GP6: variants seen among roughly 807,000 people sequenced by gnomAD.
The protein encoded by GP6 is glycoprotein VI platelet, also known as platelet glycoprotein VI.
A neutral mutation model predicts 37.3 loss-of-function variants in GP6; 45 were observed. That is an observed-to-expected ratio of 1.21 (90% CI 0.95 to 1.55). The LOEUF (loss-of-function observed/expected upper bound fraction) is 1.55. Among genes scored for constraint, GP6 ranks in the 40% most tolerant of loss-of-function variants. GP6 has a pLI of 0.00. For missense variants in GP6, 813 were observed against 760.2 expected (o/e 1.07, Z -0.82); for synonymous variants, 340 against 316.4 (o/e 1.07, Z -0.79).
Position 55,027,687 on chromosome 19 carries a change from G to T in GP6, c.501C>A (p.Ile167=), listed in dbSNP as rs746844654. 6.2e-7 allele frequency: 1 copy of T among 1,612,800 alleles called. No homozygotes were observed. The highest frequency in any genetic ancestry group is 8.5e-7 in the Non-Finnish European group (1 of 1,178,728). The change falls in exon 4 of 8, where the codon ATC becomes ATA. Residue 167 remains isoleucine (I), a synonymous_variant. Transcript: ENST00000310373. ...CGCTGTGGGCGGCGGTCACCGTGAT[G>T]ATGGGAAAACTAGCCCTGTACCATC...
intron 6 of GP6, among the ~76,000 whole-genome samples, chr19:55,016,920 G>A (rs1424437872): frequency 6.6e-6 from 1 of 151,828 alleles, no homozygotes; most frequent in Admixed American, 6.6e-5. Flanking sequence ...GCTGGGCATG[G>A]TGGCACACAC....
rs2073809425 is a variant in GP6, at chr19:55,014,990, C to CAGCGGGAGG, written c.946_954dup (p.Pro316_Ala318dup). On this transcript the variant is annotated inframe_insertion, in exon 8 of 8. Coordinates refer to ENST00000310373, the MANE Select transcript of GP6 (RefSeq NM_001083899.2). ...CCTGACCCCCGTTTGATTTCCGGGT[C>CAGCGGGAGG]AGCGGGAGGGGCGGGAGGGGCGGAA... The CAGCGGGAGG allele has an allele frequency of 1.2e-6, 2 of 1,612,840 alleles. No individual in the cohort carries two copies. The highest frequency in any genetic ancestry group is 1.3e-5 in the African/African-American group (1 of 74,826).
At position 55,027,626 on chromosome 19, in the gene GP6, G is replaced by T; in HGVS notation, c.562C>A (p.Pro188Thr). Residue 188 changes from proline to threonine, a missense_variant, in exon 4 of 8, where the codon CCA (proline) becomes ACA (threonine). Physicochemically the swap from Pro to Thr is conservative, Grantham distance 38. Transcript: ENST00000310373. The stretch of plus-strand genomic sequence containing the variant: ...TCGCTGGGGGCTGACCACAGGTATG[G>T]GTCCCTGCTGGAGAAGCTGTAGCAT... 6.2e-7 allele frequency: 1 copy of T among 1,613,606 alleles called. No individual in the cohort carries two copies. Among genetic ancestry groups the T allele is most frequent in the Non-Finnish European group, 8.5e-7 (1 of 1,179,536 alleles).
chr19:55,023,444 G>T (rs923093377), intron 5 of GP6, among the ~76,000 whole-genome samples: 6 of 152,156 alleles, frequency 3.9e-5, no homozygotes, highest in African/African-American at 1.4e-4. Flanking sequence ...TCATTGCTTG[G>T]TGCTTTCCTT....
At chr19:55,024,924 G>C (rs1459861034) in intron 5 of GP6, among the ~76,000 whole-genome samples, 1 of 151,950 alleles carries the variant, frequency 6.6e-6, no homozygotes, top group East Asian at 1.9e-4. Context: ...GTTTGTTTTT[G>C]TCACCCATAT....
chr19:55,038,257 AG>A lies in GP6; in HGVS notation c.-22del. ...GACATGGTTCCTCAGCCCTGTCCTG[AG>A]CTCTGTGGCCAGGGAGGGAAGTGGT... On this transcript the variant is annotated 5_prime_UTR_variant, in exon 1 of 8. Transcript: ENST00000310373. 1 of 1,578,262 alleles carries A rather than the reference AG, an allele frequency of 6.3e-7. No homozygotes were observed. Among genetic ancestry groups the A allele is most frequent in the Non-Finnish European group, 8.6e-7 (1 of 1,159,818 alleles).
At chr19:55,025,599 G>A (rs543975177) in intron 4 of GP6, among the ~76,000 whole-genome samples, 6 of 152,048 alleles carry the variant, frequency 3.9e-5, no homozygotes, top group East Asian at 3.9e-4. Flanking sequence ...CCAGCTGCTC[G>A]GGAGGCTGAG....
At chr19:55,026,285 G>T (rs1216250817) in intron 4 of GP6, among the ~76,000 whole-genome samples, 1 of 152,168 alleles carries the variant, frequency 6.6e-6, no homozygotes, top group Non-Finnish European at 1.5e-5. Context: ...TTGACCTCTA[G>T]AACTTATTTT....
intron 1 of GP6, among the ~76,000 whole-genome samples, chr19:55,037,623 C>CTTTTTTTTTT (rs1179101360): frequency 4.0e-5 from 2 of 50,452 alleles, no homozygotes; most frequent in African/African-American, 1.6e-4. Flanking sequence ...GGCACTCAGC[C>CTTTTTTTTTT]TTTTTTTTTT....
chr19:55,015,622 G>C, intron 7 of GP6, 61 bp downstream of exon 7: 1 of 1,003,604 alleles, frequency 1.0e-6, no homozygotes, highest in Non-Finnish European at 1.6e-6. Flanking sequence ...AGACAAAGGA[G>C]TTGGCTTTGG....
chr19:55,037,848 CCT>C (rs1436326553), intron 1 of GP6, among the ~76,000 whole-genome samples: 1 of 151,926 alleles, frequency 6.6e-6, no homozygotes, highest in Admixed American at 6.6e-5. Flanking sequence ...GTCTTGAACT[CCT>C]GACCTCAGGT....
At chr19:55,026,221 T>G (rs986631760) in intron 4 of GP6, among the ~76,000 whole-genome samples, 1 of 152,204 alleles carries the variant, frequency 6.6e-6, no homozygotes, top group Non-Finnish European at 1.5e-5. Context: ...AATATGACAT[T>G]GTTAAATGTA....
intron 4 of GP6, among the ~76,000 whole-genome samples, chr19:55,026,000 C>CAAA (rs869194721): frequency 8.4e-4 from 15 of 17,844 alleles, no homozygotes; most frequent in Admixed American, 2.0e-3. Flanking sequence ...AGACTCCCCC[C>CAAA]AAAAAAAAAA....
chr19:55,038,010 T>C (rs1475021698), intron 1 of GP6, among the ~76,000 whole-genome samples, 193 bp downstream of exon 1: 1 of 152,144 alleles, frequency 6.6e-6, no homozygotes, highest in Admixed American at 6.6e-5. Context: ...GACCCAGCCA[T>C]GAATACACTG....
intron 3 of GP6, among the ~76,000 whole-genome samples, chr19:55,029,616 C>T (rs1227643355): frequency 6.6e-6 from 1 of 151,074 alleles, no homozygotes; most frequent in Non-Finnish European, 1.5e-5. Context: ...TCTCGAACTC[C>T]TGACCTCAGG....
chr19:55,023,919 C>T (rs1004460720), intron 5 of GP6, among the ~76,000 whole-genome samples: 13 of 150,834 alleles, frequency 8.6e-5, no homozygotes, highest in Admixed American at 1.3e-4. Context: ...TTAATGGATA[C>T]CAGGAGTTAG....
chr19:55,034,227 G>A (rs2074735359), intron 1 of GP6, among the ~76,000 whole-genome samples: 1 of 151,620 alleles, frequency 6.6e-6, no homozygotes, highest in Non-Finnish European at 1.5e-5. Context: ...TCCTGGAATT[G>A]CTTGAGCCCA....
chr19:55,020,293 T>A (rs2074032162), intron 5 of GP6, among the ~76,000 whole-genome samples: 1 of 151,818 alleles, frequency 6.6e-6, no homozygotes, highest in Non-Finnish European at 1.5e-5. Flanking sequence ...TGTGCCATGG[T>A]GGTTTGCTGC....
intron 5 of GP6, among the ~76,000 whole-genome samples, chr19:55,024,360 A>ATGCACGCACGCACG (rs796633674): frequency 1.5e-5 from 2 of 130,572 alleles, no homozygotes; most frequent in African/African-American, 2.8e-5. Flanking sequence ...ACGCACACAC[A>ATGCACGCACGCACG]CATATGCACG....
Sources: gnomAD v4.1 joint callset for allele counts (sites outside exome capture counted in the v4.1 genomes callset) on GRCh38, gnomAD v4.1.1 for gene constraint, MANE v1.5 for transcripts, NCBI Gene and HGNC (gene_info 2026-07-23, HGNC 2026-07-21) for gene names.